The following MICAL2 variants were observed in gnomAD, a reference collection of about 807,000 sequenced individuals.
MICAL2 encodes the protein microtubule associated monooxygenase, calponin and LIM domain containing 2, also known as [F-actin]-monooxygenase MICAL2.
In MICAL2, 77 loss-of-function variants were observed where a neutral mutation model predicts 127.3. The ratio of observed to expected loss-of-function variants is 0.60; its 90% confidence interval spans 0.50 to 0.73. MICAL2 has a LOEUF of 0.73. Among genes scored for constraint, MICAL2 ranks in the 30% least tolerant of loss-of-function variants. MICAL2 has a pLI of 0.00. For missense variants in MICAL2, 1,351 were observed against 1,434.4 expected (o/e 0.94, Z 0.94); for synonymous variants, 570 against 551.1 (o/e 1.03, Z -0.48).
intron 3 of MICAL2, among the ~76,000 whole-genome samples, chr11:12,163,238 G>A (rs192410438): frequency 1.3e-5 from 2 of 152,330 alleles, no homozygotes; most frequent in African/African-American, 2.4e-5. Context: ...AGATGGGCAG[G>A]TGGGAGTCCA....
chr11:12,162,055 C>T (rs913767846), intron 2 of MICAL2, 24 bp from the exon 3 acceptor site: 1 of 1,543,066 alleles, frequency 6.5e-7, no homozygotes, highest in Non-Finnish European at 8.8e-7. Flanking sequence ...CAAAGCTGAC[C>T]TCTGCCTCCC....
intron 32 of MICAL2, among the ~76,000 whole-genome samples, chr11:12,336,668 G>T (rs1938766997): frequency 6.6e-6 from 1 of 152,022 alleles, no homozygotes; most frequent in African/African-American, 2.4e-5. Context: ...ATGAAGGGTT[G>T]TTGAATTTTG....
chr11:12,313,498 C>T (rs1048329541), intron 29 of MICAL2, among the ~76,000 whole-genome samples: 7 of 152,128 alleles, frequency 4.6e-5, no homozygotes, highest in Admixed American at 3.9e-4. Flanking sequence ...CTGTGTGTGA[C>T]TTAAGTCCTT....
chr11:12,319,799 C>G, exon 30 of MICAL2: 1 of 1,613,808 alleles, frequency 6.2e-7, no homozygotes, highest in Non-Finnish European at 8.5e-7. Context: ...CCCAGCTTTC[C>G]TTGCAGTTAA....
At chr11:12,347,682 C>G (rs1221010767) in intron 32 of MICAL2, among the ~76,000 whole-genome samples, 1 of 152,006 alleles carries the variant, frequency 6.6e-6, no homozygotes, top group Non-Finnish European at 1.5e-5. Context: ...ATGGCAAATA[C>G]TGACATAGCA....
intron 2 of MICAL2, among the ~76,000 whole-genome samples, chr11:12,155,386 A>T (rs1256187146): frequency 6.6e-6 from 1 of 152,212 alleles, no homozygotes; most frequent in African/African-American, 2.4e-5. Flanking sequence ...CGCACACATG[A>T]ATACACATAC....
intron 2 of MICAL2, among the ~76,000 whole-genome samples, chr11:12,158,052 A>C (rs922686507): frequency 3.9e-5 from 6 of 152,130 alleles, no homozygotes; most frequent in African/African-American, 1.4e-4. Context: ...ACTATACCTA[A>C]ACTGAAATCT....
intron 21 of MICAL2, among the ~76,000 whole-genome samples, chr11:12,246,252 G>A (rs941267815): frequency 6.6e-6 from 1 of 152,256 alleles, no homozygotes; most frequent in African/African-American, 2.4e-5. Flanking sequence ...CATCACATCA[G>A]CATCACACCG....
chr11:12,338,774 A>G (rs535648333), intron 32 of MICAL2, among the ~76,000 whole-genome samples: 7 of 152,222 alleles, frequency 4.6e-5, no homozygotes, highest in Non-Finnish European at 1.0e-4. Flanking sequence ...AGAATGTTGA[A>G]TATTGGCCCC....
exon 3 of MICAL2, chr11:12,287,266 T>C (rs1459055718): frequency 2.5e-6 from 1 of 397,238 alleles, no homozygotes; most frequent in African/African-American, 2.1e-5. Context: ...GGTATCTCTC[T>C]GGCATGGCCT....
intron 3 of MICAL2, among the ~76,000 whole-genome samples, chr11:12,189,775 A>T (rs950382462): frequency 1.3e-5 from 2 of 152,176 alleles, no homozygotes; most frequent in African/African-American, 4.8e-5. Context: ...GCCTGCCACC[A>T]GAGGGAAAGT....
intron 22 of MICAL2, chr11:12,250,162 G>T (rs901649598): frequency 1.8e-4 from 28 of 152,336 alleles, no homozygotes; most frequent in Admixed American, 6.5e-5. Flanking sequence ...CTCGTCCTGT[G>T]TGGGCCATGC....
chr11:12,137,823 G>T (rs1851972665), intron 1 of MICAL2, among the ~76,000 whole-genome samples: 1 of 152,206 alleles, frequency 6.6e-6, no homozygotes, highest in African/African-American at 2.4e-5. Context: ...CCAAACAGGT[G>T]TAGAGGCATT....
chr11:12,358,205 C>T, intron 34 of MICAL2: 1 of 1,277,032 alleles, frequency 7.8e-7, no homozygotes, highest in South Asian at 1.4e-5. Flanking sequence ...AAAGGCAGAA[C>T]AAGTCCATAA....
intron 27 of MICAL2, chr11:12,262,951 G>A (rs3812747): frequency 0.23 from 37,996 of 165,800 alleles, 4,492 homozygotes; most frequent in Middle Eastern, 0.29. Flanking sequence ...ACATACCAGC[G>A]CCTTCTTAAA....
chr11:12,200,786 T>G (rs1860607849), intron 3 of MICAL2, among the ~76,000 whole-genome samples: 1 of 152,218 alleles, frequency 6.6e-6, no homozygotes. Flanking sequence ...AGCTACTGTT[T>G]GCGTGCAAAA....
chr11:12,299,592 AATTTT>A (rs1864023148), intron 29 of MICAL2, among the ~76,000 whole-genome samples: 1 of 152,220 alleles, frequency 6.6e-6, no homozygotes, highest in East Asian at 1.9e-4. Flanking sequence ...TTATAGAAAC[AATTTT>A]AATGCTAGTT....
downstream of MICAL2, chr11:12,358,524 C>G: frequency 6.3e-7 from 1 of 1,586,892 alleles, no homozygotes. Context: ...GGGACCGGAT[C>G]AGGCCAAGTG....
At chr11:12,319,894 A>G in intron 30 of MICAL2, 1 of 992,366 alleles carries the variant, frequency 1.0e-6, no homozygotes, top group Non-Finnish European at 1.6e-6. Flanking sequence ...TGTGGGCTCC[A>G]GCTGCAGTGG....
Sources: gnomAD v4.1 joint callset for allele counts (sites outside exome capture counted in the v4.1 genomes callset) on GRCh38, gnomAD v4.1.1 for gene constraint, MANE v1.5 for transcripts, NCBI Gene and HGNC (gene_info 2026-07-23, HGNC 2026-07-21) for gene names.